AMZ1: variants seen among roughly 807,000 people sequenced by gnomAD.
The protein encoded by AMZ1 is archaelysin family metallopeptidase 1.
A neutral mutation model predicts 29.9 loss-of-function variants in AMZ1; 39 were observed. That is an observed-to-expected ratio of 1.30 (90% CI 1.01 to 1.70). The LOEUF is 1.70. Ranked by LOEUF, AMZ1 falls within the 40% of genes most tolerant of loss-of-function variation. AMZ1 has a pLI of 0.00. For synonymous variants in AMZ1, 458 were observed against 304.0 expected (o/e 1.51, Z -5.27); for missense variants, 1,041 against 680.6 (o/e 1.53, Z -5.89).
intron 1 of AMZ1, among the ~76,000 whole-genome samples, chr7:2,697,801 T>C (rs1006425177): frequency 1.3e-5 from 2 of 152,202 alleles, no homozygotes; most frequent in Non-Finnish European, 2.9e-5. Context: ...TACAGGATTA[T>C]ATATGCAGTT....
intron 4 of AMZ1, among the ~76,000 whole-genome samples, chr7:2,738,121 C>T (rs1201572901): frequency 6.6e-6 from 1 of 152,050 alleles, no homozygotes; most frequent in Non-Finnish European, 1.5e-5. Context: ...AATTTATCAT[C>T]CCCAAATATT....
downstream of AMZ1, among the ~76,000 whole-genome samples, chr7:2,722,348 C>T (rs1215923134): frequency 1.3e-5 from 2 of 151,896 alleles, no homozygotes; most frequent in African/African-American, 4.8e-5. Context: ...TCTCGGCTCA[C>T]TGCAAGCTCT....
upstream of AMZ1, among the ~76,000 whole-genome samples, chr7:2,685,004 G>A (rs960900380): frequency 6.6e-6 from 1 of 151,724 alleles, no homozygotes; most frequent in African/African-American, 2.4e-5. Context: ...TGAGTAGCTG[G>A]GACTACAGGC....
In AMZ1 at chr7:2,709,153, T is replaced by A; in HGVS notation, c.680T>A (p.Val227Glu). The A allele has an allele frequency of 1.3e-6, 2 of 1,583,044 alleles. No individual in the cohort carries two copies. The highest frequency in any genetic ancestry group is 1.7e-6 in the Non-Finnish European group (2 of 1,166,098). Residue 227 changes from valine to glutamate, a missense_variant, in exon 5 of 7, where the codon GTA becomes GAA. Physicochemically the swap from Val to Glu is moderately radical, Grantham distance 121. Coordinates refer to ENST00000683327, the MANE Select transcript of AMZ1 (RefSeq NM_001384743.1). ...SGPSAPDLAL[V>E]EAAADGPEAP... ...CCCAGCGCCCCTGATCTGGCCCTGG[T>A]AGAGGCAGCAGCAGACGGCCCCGAG... is the stretch of plus-strand genomic sequence containing the variant.
At chr7:2,730,759 T>A (rs80106595) in intron 4 of AMZ1, 1 of 167,308 alleles carries the variant, frequency 6.0e-6, no homozygotes, top group African/African-American at 2.4e-5. Context: ...CAGGGAAGAC[T>A]TGTGAGTTAG....
chr7:2,696,721 A>C (rs1441732558), intron 1 of AMZ1, among the ~76,000 whole-genome samples: 1 of 151,880 alleles, frequency 6.6e-6, no homozygotes, highest in Non-Finnish European at 1.5e-5. Flanking sequence ...CCCTGTCTCC[A>C]CTAAAAATAC....
rs1232509886 is a variant in AMZ1, at chr7:2,702,819, G to T, written c.402G>T (p.Ser134=). 1 of 1,559,208 alleles carries T rather than the reference G, an allele frequency of 6.4e-7. No homozygotes were observed. Among genetic ancestry groups the T allele is most frequent in the Non-Finnish European group, 8.6e-7 (1 of 1,156,706 alleles). Residue 134 remains serine (S), a synonymous_variant, in exon 3 of 7, where the codon TCG becomes TCT. Coordinates refer to ENST00000683327, the MANE Select transcript of AMZ1 (RefSeq NM_001384743.1). ...GCCTGCGCGTCAAGTGCCTGCCGTCGGTGGCAGCCGCGTCCATCCGCTGCT... is the reference window on the plus strand; with the variant it reads ...GCCTGCGCGTCAAGTGCCTGCCGTCTGTGGCAGCCGCGTCCATCCGCTGCT... ...FLGLRVKCLP[S]VAAASIRCSS...
intron 2 of AMZ1, 23 bp from the exon 3 acceptor site, chr7:2,702,699 T>C: frequency 1.3e-6 from 2 of 1,513,756 alleles, no homozygotes; most frequent in Non-Finnish European, 1.8e-6. Context: ...GTCGCAGGGC[T>C]GACGGTGCTG....
intron 1 of AMZ1, among the ~76,000 whole-genome samples, chr7:2,696,994 A>G (rs891961332): frequency 2.0e-5 from 3 of 152,246 alleles, no homozygotes; most frequent in Admixed American, 2.0e-4. Context: ...AAACATCCAC[A>G]TGTGGAATTT....
upstream of AMZ1, among the ~76,000 whole-genome samples, chr7:2,759,818 G>A (rs1583250523): frequency 6.6e-6 from 1 of 152,214 alleles, no homozygotes; most frequent in African/African-American, 2.4e-5. Flanking sequence ...CCTCCAGGCA[G>A]TTTCTGCAAC....
At chr7:2,706,774 C>G (rs1399889729) in intron 3 of AMZ1, among the ~76,000 whole-genome samples, 1 of 151,904 alleles carries the variant, frequency 6.6e-6, no homozygotes, top group Non-Finnish European at 1.5e-5. Context: ...GGGGTTAGGA[C>G]TTCCACCTGT....
Position 2,713,280 on chromosome 7 carries a change from G to A in AMZ1, c.*402G>A. ...TCTTTGGAGAAGCCACAGACCACCT[G>A]TCTTCAGGCGCCTCCTTCAACTCCT... is the stretch of plus-strand genomic sequence containing the variant. On this transcript the variant is annotated 3_prime_UTR_variant, in exon 7 of 7. Transcript: ENST00000683327. 6.4e-6 allele frequency: 1 copy of A among 155,222 alleles called. No individual in the cohort carries two copies. The highest frequency in any genetic ancestry group is 1.4e-5 in the Non-Finnish European group (1 of 70,118). The allele number at this position is 155,222 out of a possible 1,614,324, so 9.6% of individuals were successfully genotyped here.
upstream of AMZ1, among the ~76,000 whole-genome samples, chr7:2,685,630 G>A (rs185578550): frequency 6.1e-3 from 914 of 150,882 alleles, 8 homozygotes; most frequent in Non-Finnish European, 0.01. Flanking sequence ...CGTGGCAGGC[G>A]GATCACGAGG....
chr7:2,710,149 T>C (rs567676274), intron 6 of AMZ1, among the ~76,000 whole-genome samples: 45 of 152,244 alleles, frequency 3.0e-4, no homozygotes, highest in African/African-American at 1.1e-3. Context: ...AGGGTAACTT[T>C]CTCTTTGCTT....
At chr7:2,719,711 G>C (rs376847209), downstream of AMZ1, among the ~76,000 whole-genome samples, 3 of 145,814 alleles carry the variant, frequency 2.1e-5, no homozygotes, top group Non-Finnish European at 3.0e-5. Context: ...ATGGAGTTTC[G>C]CTCTTGTTGC....
chr7:2,754,425 T>C (rs532299664), intron 4 of AMZ1, among the ~76,000 whole-genome samples: 1 of 152,258 alleles, frequency 6.6e-6, no homozygotes, highest in African/African-American at 2.4e-5. Context: ...TCCCAGTCTG[T>C]AGCTTGTCTT....
In AMZ1 at chr7:2,715,875, T is replaced by G. The variant is rs1414583544; in HGVS notation, c.*2997T>G. The G allele has an allele frequency of 6.6e-6, 1 of 151,890 alleles. No individual in the cohort carries two copies. The highest frequency in any genetic ancestry group is 2.4e-5 in the African/African-American group (1 of 41,252). The allele number at this position is 151,890 out of a possible 1,614,324, so 9.4% of individuals were successfully genotyped here. A position where few individuals can be genotyped will look rare whatever the true frequency, so the allele number is the denominator to read the frequency against. On this transcript the variant is annotated 3_prime_UTR_variant, in exon 7 of 7. Transcript: ENST00000683327. ...CTGCAGAAGTTGAACTGAGATTAAA[T>G]TTAGAGATGATGGTTTCCAAGACAC... is the stretch of plus-strand genomic sequence containing the variant.
chr7:2,755,925 A>G (rs1489876893), intron 4 of AMZ1, among the ~76,000 whole-genome samples: 2 of 152,242 alleles, frequency 1.3e-5, no homozygotes, highest in African/African-American at 4.8e-5. Context: ...ACCAGTCTCA[A>G]TACAAATCCC....
At chr7:2,697,668 A>G (rs1252585919) in intron 1 of AMZ1, among the ~76,000 whole-genome samples, 1 of 151,784 alleles carries the variant, frequency 6.6e-6, no homozygotes, top group African/African-American at 2.4e-5. Flanking sequence ...CAAGTGATCC[A>G]CCCGCCTCAG....
Sources: allele counts gnomAD v4.1 joint callset (sites outside exome capture counted in the v4.1 genomes callset), GRCh38; gene constraint gnomAD v4.1.1; transcripts MANE v1.5; gene names NCBI Gene and HGNC (gene_info 2026-07-23, HGNC 2026-07-21).